SUPT3H: variants seen among roughly 807,000 people sequenced by gnomAD.
SUPT3H encodes transcription initiation protein SPT3 homolog.
Under a neutral mutation model 44.3 loss-of-function variants are expected in SUPT3H, and 44 were observed. The observed-to-expected ratio is 0.99, with a 90% confidence interval of 0.78 to 1.28. The LOEUF (loss-of-function observed/expected upper bound fraction) is 1.28, where lower values mean the gene tolerates loss of function less well. Among genes scored for constraint, SUPT3H ranks in the 50% most tolerant of loss-of-function variants. The probability of loss-of-function intolerance (pLI) is 0.00; values close to 1 mark genes in which losing one functional copy is unlikely to be tolerated. For missense variants in SUPT3H, 380 were observed against 387.1 expected (o/e 0.98, Z 0.15); for synonymous variants, 124 against 125.6 (o/e 0.99, Z 0.09).
intron 2 of SUPT3H, among the ~76,000 whole-genome samples, chr6:45,329,464 A>G (rs1457242553): frequency 6.6e-6 from 1 of 151,944 alleles, no homozygotes; most frequent in Non-Finnish European, 1.5e-5. Flanking sequence ...AAGTTCATGG[A>G]AGTATTTTAA....
chr6:44,929,824 G>A (rs1244411781), intron 10 of SUPT3H, among the ~76,000 whole-genome samples: 1 of 151,054 alleles, frequency 6.6e-6, no homozygotes, highest in Non-Finnish European at 1.5e-5. Flanking sequence ...CAGGGTGGCC[G>A]CGTTATTGAC....
At chr6:44,968,843 C>T (rs1777150842) in intron 6 of SUPT3H, among the ~76,000 whole-genome samples, 4 of 152,128 alleles carry the variant, frequency 2.6e-5, no homozygotes, top group African/African-American at 9.7e-5. Context: ...GCTCAAATGC[C>T]TGACTTCTAA....
intron 10 of SUPT3H, among the ~76,000 whole-genome samples, chr6:44,905,528 T>G (rs902263441): frequency 2.6e-5 from 4 of 151,334 alleles, no homozygotes; most frequent in South Asian, 2.1e-4. Flanking sequence ...CAACAGGTGC[T>G]GGAGAGGATG....
intron 8 of SUPT3H, among the ~76,000 whole-genome samples, chr6:44,954,057 A>G (rs1439223123): frequency 4.6e-5 from 7 of 152,180 alleles, no homozygotes; most frequent in Non-Finnish European, 1.0e-4. Context: ...ATTTTAAACA[A>G]GAACCAAGGA....
intron 2 of SUPT3H, among the ~76,000 whole-genome samples, chr6:45,111,326 C>T (rs1474614715): frequency 6.6e-6 from 1 of 152,124 alleles, no homozygotes; most frequent in Non-Finnish European, 1.5e-5. Flanking sequence ...CCACTGCCCC[C>T]AGCCAAAATG....
intron 5 of SUPT3H, among the ~76,000 whole-genome samples, chr6:45,011,569 ATAT>A (rs148502288): frequency 0.025 from 3,735 of 152,142 alleles, 152 homozygotes; most frequent in African/African-American, 0.083. Context: ...ACTGTCAAAT[ATAT>A]TATATTTCCA....
intron 2 of SUPT3H, among the ~76,000 whole-genome samples, chr6:45,262,345 A>G (rs1379631341): frequency 6.6e-6 from 1 of 152,150 alleles, no homozygotes; most frequent in Non-Finnish European, 1.5e-5. Context: ...TAGAGAACCC[A>G]GAAATAAACC....
intron 6 of SUPT3H, among the ~76,000 whole-genome samples, chr6:44,988,519 T>TAAAA (rs66489332): frequency 2.4e-3 from 244 of 99,696 alleles, no homozygotes; most frequent in African/African-American, 7.0e-3. Context: ...AAGGCTTAAA[T>TAAAA]AAAAAAAAAA....
intron 3 of SUPT3H, among the ~76,000 whole-genome samples, chr6:45,026,791 A>G (rs1786076523): frequency 1.3e-5 from 2 of 152,052 alleles, no homozygotes; most frequent in Non-Finnish European, 2.9e-5. Flanking sequence ...GTTCTTAGAC[A>G]CCCCAAATTT....
chr6:45,281,660 TG>T (rs1397699482), intron 2 of SUPT3H, among the ~76,000 whole-genome samples: 14 of 152,250 alleles, frequency 9.2e-5, no homozygotes, highest in African/African-American at 3.4e-4. Flanking sequence ...ACTCCACCTC[TG>T]GGGGCAGGGC....
intron 2 of SUPT3H, among the ~76,000 whole-genome samples, chr6:45,307,701 A>T (rs1186258762): frequency 6.6e-6 from 1 of 152,204 alleles, no homozygotes. Flanking sequence ...AAATTCTAAA[A>T]ATCAGAGTGC....
chr6:44,836,307 A>G (rs1453681946), intron 10 of SUPT3H, among the ~76,000 whole-genome samples: 1 of 152,208 alleles, frequency 6.6e-6, no homozygotes, highest in African/African-American at 2.4e-5. Flanking sequence ...ATAGCACTGT[A>G]TAACATGCAA....
At chr6:44,956,973 G>A (rs991722002) in intron 7 of SUPT3H, among the ~76,000 whole-genome samples, 40 of 152,126 alleles carry the variant, frequency 2.6e-4, no homozygotes, top group African/African-American at 9.7e-4. Flanking sequence ...AACCAAGCGC[G>A]TATGTAACCT....
At chr6:45,164,146 G>T (rs1344120628) in intron 2 of SUPT3H, among the ~76,000 whole-genome samples, 1 of 152,084 alleles carries the variant, frequency 6.6e-6, no homozygotes, top group Non-Finnish European at 1.5e-5. Flanking sequence ...ACAGAGCTGT[G>T]GGGGGCAGTG....
chr6:45,308,938 C>T (rs1783540268), intron 2 of SUPT3H, among the ~76,000 whole-genome samples: 1 of 145,662 alleles, frequency 6.9e-6, no homozygotes, highest in African/African-American at 2.6e-5. Flanking sequence ...ATTATGATAG[C>T]ACTGTTTATG....
chr6:44,989,984 A>G (rs1780376423), intron 6 of SUPT3H, among the ~76,000 whole-genome samples: 1 of 152,118 alleles, frequency 6.6e-6, no homozygotes, highest in Non-Finnish European at 1.5e-5. Flanking sequence ...TTTGCCATGC[A>G]GAAGCTTTTT....
intron 2 of SUPT3H, among the ~76,000 whole-genome samples, chr6:45,302,859 T>C (rs1782374630): frequency 6.6e-6 from 1 of 152,204 alleles, no homozygotes; most frequent in Non-Finnish European, 1.5e-5. Flanking sequence ...TATTAATTTT[T>C]TATTTTTTGA....
chr6:45,117,222 T>C (rs1397136465), intron 2 of SUPT3H, among the ~76,000 whole-genome samples: 5 of 152,120 alleles, frequency 3.3e-5, no homozygotes, highest in African/African-American at 9.7e-5. Context: ...AGAGATATCC[T>C]TGAAACAACA....
chr6:44,924,986 T>A (rs998440068), intron 10 of SUPT3H, among the ~76,000 whole-genome samples: 3 of 152,296 alleles, frequency 2.0e-5, no homozygotes, highest in African/African-American at 7.2e-5. Flanking sequence ...GCTCATGACA[T>A]AAATATTTGC....
Sources: allele counts gnomAD v4.1 joint callset (sites outside exome capture counted in the v4.1 genomes callset), GRCh38; gene constraint gnomAD v4.1.1; transcripts MANE v1.5; gene names NCBI Gene and HGNC (gene_info 2026-07-23, HGNC 2026-07-21).